Variants in NOS2 observed in about 807,000 individuals in gnomAD.
NOS2 encodes nitric oxide synthase 2, also known as nitric oxide synthase, inducible.
In NOS2, 96 loss-of-function variants were observed where a neutral mutation model predicts 136.0. That is an observed-to-expected ratio of 0.71 (90% CI 0.60 to 0.84). The LOEUF (loss-of-function observed/expected upper bound fraction) is 0.84. Among genes scored for constraint, NOS2 ranks in the 40% least tolerant of loss-of-function variants. The probability of loss-of-function intolerance (pLI) is 0.00; values close to 1 mark genes in which losing one functional copy is unlikely to be tolerated. For synonymous variants in NOS2, 539 were observed against 587.5 expected, an observed-to-expected ratio of 0.92 and a Z score of 1.20; for missense variants, 1,237 against 1,496.9, an observed-to-expected ratio of 0.83 and a Z score of 2.87.
chr17:27,758,538 G>T (rs1365504866), intron 26 of NOS2, among the ~76,000 whole-genome samples: 1 of 152,188 alleles, frequency 6.6e-6, no homozygotes, highest in Non-Finnish European at 1.5e-5. Context: ...CTGACGGGGG[G>T]CAGCCTTGCT....
chr17:27,778,673 C>A lies in NOS2; in HGVS notation c.1281+17G>T, dbSNP rs761390880. The A allele has an allele frequency of 6.8e-6, 11 of 1,606,816 alleles. No homozygotes were observed. In the South Asian group the frequency reaches 1.2e-4, roughly 18 times the overall value. On this transcript the variant is annotated intron_variant, in intron 11 of 26. Coordinates refer to ENST00000313735, the MANE Select transcript of NOS2 (RefSeq NM_000625.4). ...TCTCACCAAAAAGTCTTCAGACTCA[C>A]AAAACTCCAGACATACCTGGAAACT... is the stretch of plus-strand genomic sequence containing the variant.
intron 13 of NOS2, among the ~76,000 whole-genome samples, 176 bp from the exon 14 acceptor site, chr17:27,772,628 C>T (rs1022662618): frequency 1.3e-5 from 2 of 152,188 alleles, no homozygotes; most frequent in African/African-American, 4.8e-5. Context: ...CTCCCCTCAC[C>T]CACTACTATA....
intron 11 of NOS2, among the ~76,000 whole-genome samples, chr17:27,777,654 T>C (rs1299467004): frequency 6.6e-6 from 1 of 152,168 alleles, no homozygotes; most frequent in Non-Finnish European, 1.5e-5. Context: ...GCATCTACCA[T>C]GTGCCAGACA....
At chr17:27,786,410 G>A (rs1356585767) in intron 5 of NOS2, among the ~76,000 whole-genome samples, 2 of 152,110 alleles carry the variant, frequency 1.3e-5, no homozygotes, top group South Asian at 2.1e-4. Context: ...TGGGCAACAA[G>A]AGCAAAACTC....
intron 9 of NOS2, 70 bp from the exon 10 acceptor site, chr17:27,779,126 G>A (rs927128074): frequency 2.6e-6 from 3 of 1,166,370 alleles, no homozygotes; most frequent in African/African-American, 1.6e-5. Context: ...TTTTTTTTTA[G>A]TGACTTGGTC....
At position 27,798,829 on chromosome 17, in the gene NOS2, A is replaced by G. The variant is rs201123212; in HGVS notation, c.-20T>C. ...GGCCATCTCTATGGCTTTACAAAGC[A>G]GGTCACTTATGTCACTTATCTGGAT... On this transcript the variant is annotated 5_prime_UTR_variant, in exon 2 of 27. Transcript: ENST00000313735. 11 of 1,477,794 alleles carry G rather than the reference A, an allele frequency of 7.4e-6. No individual in the cohort carries two copies. Among genetic ancestry groups the G allele is most frequent in the Non-Finnish European group, 9.5e-6 (10 of 1,055,484 alleles). 91.5% of individuals were successfully genotyped at this position (1,477,794 alleles called of 1,614,324 possible).
rs1253290686 is a variant in NOS2, at chr17:27,762,870, T to C, written c.2728A>G (p.Ile910Val). Residue 910 changes from isoleucine (I) to valine (V), a missense_variant, in exon 22 of 27, where the codon ATC becomes GTC. By Grantham distance (29) the Ile-to-Val change is conservative (BLOSUM62 3). Around this residue, in one of 3 missense-constraint regions of NOS2, gnomAD observed 782 missense variants for 909.9 expected, o/e 0.86. Coordinates refer to ENST00000313735, the MANE Select transcript of NOS2 (RefSeq NM_000625.4). ...LPILKPRFYS[I>V]SSSRDHTPTE... ...GGCGTGTGATCCCGGGAGGAGCTGA[T>C]GGAGTAGAACCTGGGCTTCAGAATG... 2 of 1,584,460 alleles carry C rather than the reference T, an allele frequency of 1.3e-6. No individual in the cohort carries two copies. The highest frequency in any genetic ancestry group is 2.3e-5 in the East Asian group (1 of 43,818).
Position 27,769,016 on chromosome 17 carries a change from C to T in NOS2, c.1995G>A (p.Gln665=), listed in dbSNP as rs1348930490. The T allele has an allele frequency of 6.2e-7, 1 of 1,612,110 alleles. No homozygotes were observed. Among genetic ancestry groups the T allele is most frequent in the African/African-American group, 1.3e-5 (1 of 75,014 alleles). ...PMGEGDELSG[Q]EDAFRSWAVQ... ...CGGCCCAGCTGCGGAAGGCGTCCTC[C>T]TGCCCACTGAGCTCATCCCCTTCTC... Residue 665 remains glutamine (Q), a synonymous_variant, in exon 17 of 27, where the codon CAG becomes CAA. Transcript: ENST00000313735.
At chr17:27,767,531 C>A (rs1324424502) in intron 18 of NOS2, among the ~76,000 whole-genome samples, 174 bp downstream of exon 18, 1 of 152,370 alleles carries the variant, frequency 6.6e-6, no homozygotes, top group East Asian at 1.9e-4. Flanking sequence ...CCTCCTGAAA[C>A]AGCCTCCCTC....
intron 5 of NOS2, 71 bp downstream of exon 5, chr17:27,787,607 G>T: frequency 8.6e-7 from 1 of 1,163,810 alleles, no homozygotes; most frequent in East Asian, 2.4e-5. Context: ...TAGGATCAGA[G>T]GGTGATGGGT....
intron 14 of NOS2, 32 bp from the exon 15 acceptor site, chr17:27,771,049 G>A (rs200640013): frequency 1.7e-5 from 26 of 1,546,772 alleles, no homozygotes; most frequent in African/African-American, 6.8e-5. Flanking sequence ...ATCAGCCCTC[G>A]GCTCCCAGTA....
chr17:27,787,976 T>C (rs3730016), intron 4 of NOS2, 150 bp from the exon 5 acceptor site: 1 of 752,884 alleles, frequency 1.3e-6, no homozygotes, highest in African/African-American at 1.8e-5. Context: ...CTCCTTGGGG[T>C]CCACCTGGCT....
At chr17:27,794,158 G>T (rs1909281673) in intron 2 of NOS2, among the ~76,000 whole-genome samples, 1 of 152,088 alleles carries the variant, frequency 6.6e-6, no homozygotes, top group Non-Finnish European at 1.5e-5. Context: ...AGAGATTAAG[G>T]ATCTTGTCCA....
chr17:27,761,583 G>A (rs1165732075), intron 22 of NOS2, among the ~76,000 whole-genome samples: 2 of 152,124 alleles, frequency 1.3e-5, no homozygotes, highest in Non-Finnish European at 2.9e-5. Flanking sequence ...GACTTTCTCC[G>A]GGAACACTCC....
At chr17:27,785,229 C>T (rs1361463534) in intron 5 of NOS2, among the ~76,000 whole-genome samples, 4 of 152,128 alleles carry the variant, frequency 2.6e-5, no homozygotes, top group African/African-American at 9.7e-5. Context: ...AACAATAATA[C>T]CAATCTCATA....
rs1567635491 is a variant in NOS2, at chr17:27,769,065, C to A, written c.1946G>T (p.Gly649Val). ...TCCCATCGGGGTGAGCTGAGAGGCC[C>A]CCAGGTGGGACAGCTTCTGATCAAT... is the stretch of plus-strand genomic sequence containing the variant. ...HDIDQKLSHL[G>V]ASQLTPMGEG... The change falls in exon 17 of 27, where the codon GGG (glycine) becomes GTG (valine). Residue 649 changes from glycine (G) to valine (V), a missense_variant. Gly to Val is a moderately radical substitution (Grantham distance 109). This residue lies in a region of NOS2 where 782 missense variants were observed against 909.9 expected (regional missense o/e 0.86). Transcript: ENST00000313735. 3.1e-6 allele frequency: 5 copies of A among 1,612,826 alleles called. No individual in the cohort carries two copies. The highest frequency in any genetic ancestry group is 4.2e-6 in the Non-Finnish European group (5 of 1,179,654).
In NOS2 at chr17:27,767,837, C is replaced by T. The variant is rs769900089; in HGVS notation, c.2035G>A (p.Ala679Thr). The change falls in exon 18 of 27, where the codon GCA (alanine) becomes ACA (threonine). Residue 679 changes from alanine to threonine, a missense_variant and splice_region_variant. Transcript: ENST00000313735. Reference sequence around the variant, plus strand: ...CGGACATCAAACGTCTCACAGGCTGCCTGGAAGAAGGTGGAGCAGACTGCG... The same window carrying T: ...CGGACATCAAACGTCTCACAGGCTGTCTGGAAGAAGGTGGAGCAGACTGCG... ...FRSWAVQTFKAACETFDVRGK... is the reference protein window; with the variant it reads ...FRSWAVQTFKTACETFDVRGK... 1.2e-6 allele frequency: 2 copies of T among 1,611,424 alleles called. No homozygotes were observed. Among genetic ancestry groups the T allele is most frequent in the South Asian group, 2.2e-5 (2 of 90,988 alleles).
At position 27,765,719 on chromosome 17, in the gene NOS2, G is replaced by C; in HGVS notation, c.2247-3C>G. 1 of 1,595,566 alleles carries C rather than the reference G, an allele frequency of 6.3e-7. No individual in the cohort carries two copies. The highest frequency in any genetic ancestry group is 1.3e-5 in the African/African-American group (1 of 74,466). On this transcript the variant is annotated splice_region_variant and splice_polypyrimidine_tract_variant and intron_variant, in intron 19 of 26. Coordinates refer to ENST00000313735, the MANE Select transcript of NOS2 (RefSeq NM_000625.4). The stretch of plus-strand genomic sequence containing the variant: ...GTTCCACCAGGATGGTGGCACGGCT[G>C]GGGAAGGAAAATGAAGCCTCAGGTG...
intron 1 of NOS2, among the ~76,000 whole-genome samples, chr17:27,799,342 T>G (rs1269117415): frequency 6.6e-6 from 1 of 152,258 alleles, no homozygotes; most frequent in Non-Finnish European, 1.5e-5. Flanking sequence ...GCACTCAAGC[T>G]GTAGCTACCT....
Sources: gnomAD v4.1 joint callset for allele counts (sites outside exome capture counted in the v4.1 genomes callset) on GRCh38, gnomAD v4.1.1 for gene constraint, gnomAD v4.1.1 regional missense constraint, MANE v1.5 for transcripts, NCBI Gene and HGNC (gene_info 2026-07-23, HGNC 2026-07-21) for gene names.